Variants in CDYL2 observed in about 807,000 individuals in gnomAD.
The protein encoded by CDYL2 is chromodomain Y-like protein 2.
In CDYL2, 23 loss-of-function variants were observed where a neutral mutation model predicts 49.4. That is an observed-to-expected ratio of 0.47 (90% CI 0.34 to 0.66). The LOEUF is 0.66. Ranked by LOEUF, CDYL2 falls within the 30% of genes least tolerant of loss-of-function variation. The probability of loss-of-function intolerance (pLI) is 0.01; values close to 1 mark genes in which losing one functional copy is unlikely to be tolerated. For missense variants in CDYL2, 678 were observed against 656.4 expected (o/e 1.03, Z -0.36); for synonymous variants, 360 against 268.8 (o/e 1.34, Z -3.32).
intron 3 of CDYL2, among the ~76,000 whole-genome samples, chr16:80,630,183 T>A (rs987088838): frequency 2.0e-5 from 3 of 152,212 alleles, no homozygotes; most frequent in African/African-American, 7.2e-5. Flanking sequence ...TTGAGACAGC[T>A]GAAAATACCA....
chr16:80,785,215 C>G (rs1433247857), intron 1 of CDYL2, among the ~76,000 whole-genome samples: 1 of 152,080 alleles, frequency 6.6e-6, no homozygotes, highest in Admixed American at 6.5e-5. Context: ...TAGAAAAACC[C>G]CATCGTCTCA....
chr16:80,670,758 C>A (rs1909468035), intron 2 of CDYL2, among the ~76,000 whole-genome samples: 1 of 152,106 alleles, frequency 6.6e-6, no homozygotes, highest in Non-Finnish European at 1.5e-5. Context: ...GAAAGAGAAG[C>A]CATGTTGCAA....
chr16:80,701,733 T>C (rs749357345), intron 1 of CDYL2, among the ~76,000 whole-genome samples: 6 of 152,218 alleles, frequency 3.9e-5, no homozygotes, highest in African/African-American at 9.6e-5. Context: ...AACTGATCGA[T>C]AAATGTAACG....
intron 2 of CDYL2, among the ~76,000 whole-genome samples, chr16:80,664,699 G>C (rs536523030): frequency 1.4e-4 from 21 of 152,254 alleles, no homozygotes; most frequent in Admixed American, 2.6e-4. Flanking sequence ...TCAAGAAGCA[G>C]AAAAGGAGAA....
chr16:80,636,032 C>T lies in CDYL2; in HGVS notation c.617-2796G>A, dbSNP rs927521254. Among the ~76,000 whole-genome samples, 8 of 152,246 alleles carry T rather than the reference C, an allele frequency of 5.3e-5. 1 individual carries two copies. In the South Asian group the frequency reaches 1.2e-3, roughly 24 times the overall value. On this transcript the variant is annotated intron_variant, in intron 2 of 6. Transcript: ENST00000570137. ...CCATATGCAGAAAACTGAAATTGGACCCCTTTCTTATGCCTTATAGAAAAA... is the reference window on the plus strand; with the variant it reads ...CCATATGCAGAAAACTGAAATTGGATCCCTTTCTTATGCCTTATAGAAAAA...
intron 1 of CDYL2, among the ~76,000 whole-genome samples, chr16:80,732,696 A>T (rs780246021): frequency 2.0e-5 from 3 of 152,218 alleles, no homozygotes; most frequent in Non-Finnish European, 4.4e-5. Context: ...GTATGAAAAC[A>T]TTTACAAGGA....
At chr16:80,704,426 C>T (rs966867364) in intron 1 of CDYL2, among the ~76,000 whole-genome samples, 4 of 152,226 alleles carry the variant, frequency 2.6e-5, no homozygotes, top group Non-Finnish European at 2.9e-5. Flanking sequence ...AGAGGTGCAA[C>T]GGTGAATAAA....
chr16:80,721,701 C>G (rs868360206), intron 1 of CDYL2, among the ~76,000 whole-genome samples: 3 of 152,206 alleles, frequency 2.0e-5, no homozygotes, highest in Non-Finnish European at 4.4e-5. Flanking sequence ...TCAAGCATGC[C>G]TAACAATGGC....
intron 4 of CDYL2, among the ~76,000 whole-genome samples, chr16:80,617,723 C>T (rs531584142): frequency 3.0e-4 from 45 of 152,320 alleles, no homozygotes; most frequent in Admixed American, 1.7e-3. Context: ...CTTCGCTCAT[C>T]GTCCTCACCT....
chr16:80,786,909 A>G (rs1907454893), intron 1 of CDYL2, among the ~76,000 whole-genome samples: 1 of 150,042 alleles, frequency 6.7e-6, no homozygotes. Context: ...ATCACACACC[A>G]GGGCCTGTGG....
intron 1 of CDYL2, among the ~76,000 whole-genome samples, chr16:80,711,741 TAATA>T (rs147475222): frequency 0.03 from 4,538 of 152,168 alleles, 69 homozygotes; most frequent in East Asian, 0.079. Flanking sequence ...AAGAGGCGCT[TAATA>T]AATACTCAGT....
intron 1 of CDYL2, among the ~76,000 whole-genome samples, chr16:80,745,904 C>T (rs1480547259): frequency 6.6e-6 from 1 of 152,146 alleles, no homozygotes; most frequent in Non-Finnish European, 1.5e-5. Flanking sequence ...CACTGGTTCA[C>T]CCACAAGAAG....
intron 1 of CDYL2, among the ~76,000 whole-genome samples, chr16:80,700,998 A>G (rs1235571346): frequency 1.3e-5 from 2 of 152,264 alleles, no homozygotes; most frequent in Admixed American, 6.5e-5. Context: ...GGCGGGCAGA[A>G]GATCCCACTA....
chr16:80,737,411 G>C (rs773544121), intron 1 of CDYL2, among the ~76,000 whole-genome samples: 3 of 152,192 alleles, frequency 2.0e-5, no homozygotes, highest in Non-Finnish European at 2.9e-5. Context: ...CAGGGGTTAA[G>C]GGAAGTGGCA....
chr16:80,754,047 T>C (rs76935130), intron 1 of CDYL2, among the ~76,000 whole-genome samples: 3,897 of 152,344 alleles, frequency 0.026, 91 homozygotes, highest in East Asian at 0.071. Context: ...GAACATTCTA[T>C]GCATCATCTT....
At chr16:80,656,349 C>G (rs1193207539) in intron 2 of CDYL2, among the ~76,000 whole-genome samples, 2 of 152,244 alleles carry the variant, frequency 1.3e-5, no homozygotes, top group African/African-American at 4.8e-5. Context: ...ACAGAGGGGA[C>G]TAACTGCTCT....
At chr16:80,725,822 A>T (rs556913202) in intron 1 of CDYL2, among the ~76,000 whole-genome samples, 5 of 152,168 alleles carry the variant, frequency 3.3e-5, no homozygotes, top group Non-Finnish European at 7.4e-5. Context: ...GAATTCTACG[A>T]CCCGGATGAG....
intron 1 of CDYL2, among the ~76,000 whole-genome samples, chr16:80,711,954 T>C (rs930415328): frequency 6.6e-6 from 1 of 151,434 alleles, no homozygotes; most frequent in Non-Finnish European, 1.5e-5. Context: ...TATATATGTG[T>C]GTGTATATAT....
At chr16:80,755,509 A>G (rs1041888182) in intron 1 of CDYL2, among the ~76,000 whole-genome samples, 8 of 152,222 alleles carry the variant, frequency 5.3e-5, no homozygotes, top group Non-Finnish European at 1.5e-5. Context: ...CAGGGCCAAT[A>G]AAGAATCTGG....
Sources: gnomAD v4.1 joint callset for allele counts (sites outside exome capture counted in the v4.1 genomes callset) on GRCh38, gnomAD v4.1.1 for gene constraint, MANE v1.5 for transcripts, NCBI Gene and HGNC (gene_info 2026-07-23, HGNC 2026-07-21) for gene names.